Variants in KIAA0408 observed in about 807,000 individuals in gnomAD.
The protein encoded by KIAA0408 is KIAA0408.
KIAA0408 carries 51 observed loss-of-function variants against 60.9 expected under a neutral mutation model. The ratio of observed to expected loss-of-function variants is 0.84; its 90% CI spans 0.67 to 1.06. The LOEUF (loss-of-function observed/expected upper bound fraction) is 1.06, where lower values mean the gene tolerates loss of function less well. Ranked by LOEUF, KIAA0408 falls within the 50% of genes least tolerant of loss-of-function variation. The pLI is 0.00. For missense variants in KIAA0408, 787 were observed against 833.9 expected (o/e 0.94, Z 0.69); for synonymous variants, 304 against 282.4 (o/e 1.08, Z -0.77).
At chr6:127,457,728 G>C (rs781759251) in intron 1 of KIAA0408, among the ~76,000 whole-genome samples, 2 of 152,196 alleles carry the variant, frequency 1.3e-5, no homozygotes, top group Non-Finnish European at 2.9e-5. Flanking sequence ...AAGTTTAAGA[G>C]TAACACACAA....
intron 4 of KIAA0408, among the ~76,000 whole-genome samples, chr6:127,448,046 G>C (rs1773235621): frequency 6.6e-6 from 1 of 151,980 alleles, no homozygotes; most frequent in Non-Finnish European, 1.5e-5. Context: ...TAGTCTCCTG[G>C]GTTTCTGCTA....
At chr6:127,448,869 A>G (rs1773249065) in intron 4 of KIAA0408, among the ~76,000 whole-genome samples, 1 of 152,218 alleles carries the variant, frequency 6.6e-6, no homozygotes, top group African/African-American at 2.4e-5. Context: ...TGTTGATCCT[A>G]GAATAATCCA....
In KIAA0408 at chr6:127,447,543, A is replaced by T; in HGVS notation, c.776T>A (p.Leu259Ter). 6.2e-7 allele frequency: 1 copy of T among 1,610,904 alleles called. No individual in the cohort carries two copies. Among genetic ancestry groups the T allele is most frequent in the East Asian group, 2.2e-5 (1 of 44,850 alleles). The stretch of plus-strand genomic sequence containing the variant: ...AACTGGTGGAGTTTCATTTCTTTTT[A>T]AATCGATTGTATCAATTCCACATTT... Reference protein sequence around the residue: ...TKKCGIDTIDLKRNETPPVPP... With the variant: ...TKKCGIDTID Residue 259 changes from leucine (L) to a stop codon, truncating the protein, a stop_gained, in exon 5 of 6, where the codon TTA (leucine) becomes TAA (stop). Coordinates refer to ENST00000483725, the MANE Select transcript of KIAA0408 (RefSeq NM_014702.5). LOFTEE classifies it high-confidence loss of function.
At position 127,446,514 on chromosome 6, in the gene KIAA0408, C is replaced by T. The variant is rs373762355; in HGVS notation, c.1805G>A (p.Ser602Asn). Residue 602 changes from serine to asparagine, a missense_variant, in exon 5 of 6, where the codon AGT (serine) becomes AAT (asparagine). Physicochemically the swap from Ser to Asn is conservative, Grantham distance 46. This residue lies in a region of KIAA0408 where 133 missense variants were observed against 119.2 expected (regional missense o/e 1.12). Coordinates refer to ENST00000483725, the MANE Select transcript of KIAA0408 (RefSeq NM_014702.5). The part of the protein sequence containing the change: ...NSDVSGGATL[S>N]QHLEMLQMEQ... ...CATTTGGAGCATTTCTAAATGCTGA[C>T]TTAATGTGGCACCACCACTGACATC... The T allele has an allele frequency of 1.5e-5, 25 of 1,614,042 alleles. No individual in the cohort carries two copies. The African/African-American group carries it at 2.5e-4, about 16-fold the overall frequency.
chr6:127,458,718 C>T (rs1352890705), intron 1 of KIAA0408, among the ~76,000 whole-genome samples: 1 of 152,134 alleles, frequency 6.6e-6, no homozygotes, highest in Non-Finnish European at 1.5e-5. Flanking sequence ...CCACCACCAC[C>T]TTAGATAAAA....
intron 2 of KIAA0408, among the ~76,000 whole-genome samples, chr6:127,451,873 C>T (rs1160508927): frequency 2.6e-5 from 4 of 152,008 alleles, no homozygotes; most frequent in African/African-American, 9.7e-5. Flanking sequence ...TACAAAGGTA[C>T]TATGTTACTT....
chr6:127,451,450 C>T, intron 2 of KIAA0408: 1 of 363,302 alleles, frequency 2.8e-6, no homozygotes, highest in South Asian at 2.2e-5. Context: ...TTGTACTGAA[C>T]TTCTGCGGGC....
intron 1 of KIAA0408, 94 bp from the exon 2 acceptor site, chr6:127,454,195 T>C (rs996877148): frequency 6.7e-6 from 8 of 1,189,078 alleles, no homozygotes; most frequent in Admixed American, 4.3e-5. Context: ...AAACAAACTA[T>C]AGGAAAATTG....
Position 127,446,563 on chromosome 6 carries a change from C to G in KIAA0408, c.1756G>C (p.Asp586His). 1 of 1,614,174 alleles carries G rather than the reference C, an allele frequency of 6.2e-7. No homozygotes were observed. The highest frequency in any genetic ancestry group is 8.5e-7 in the Non-Finnish European group (1 of 1,180,028). Residue 586 changes from aspartate to histidine, a missense_variant, in exon 5 of 6, where the codon GAT (aspartate) becomes CAT (histidine). Asp to His is a moderately conservative substitution (Grantham distance 81). Transcript: ENST00000483725. The stretch of plus-strand genomic sequence containing the variant: ...TCAGAATTACATTTGGTCCAATTAT[C>G]CTGGAAGCACTTAGAATTTTGCAAT... ...SALQNSKCFQ[D>H]NWTKCNSDVS...
At chr6:127,449,702 T>TA in intron 4 of KIAA0408, 120 bp downstream of exon 4, 3 of 1,311,160 alleles carry the variant, frequency 2.3e-6, no homozygotes, top group Non-Finnish European at 3.1e-6. Flanking sequence ...CCACCCTAGA[T>TA]AGTACATTTT....
At chr6:127,456,078 G>A (rs1375349045) in intron 1 of KIAA0408, among the ~76,000 whole-genome samples, 1 of 152,146 alleles carries the variant, frequency 6.6e-6, no homozygotes, top group Non-Finnish European at 1.5e-5. Context: ...AATTAACTGT[G>A]TGGTGAAACT....
At chr6:127,458,945 T>C (rs1032433642) in intron 1 of KIAA0408, among the ~76,000 whole-genome samples, 1 of 152,196 alleles carries the variant, frequency 6.6e-6, no homozygotes, top group Non-Finnish European at 1.5e-5. Flanking sequence ...CAGTCCACAG[T>C]TGGGAAATCC....
intron 2 of KIAA0408, 57 bp from the exon 3 acceptor site, chr6:127,450,409 T>C: frequency 6.6e-7 from 1 of 1,508,488 alleles, no homozygotes; most frequent in South Asian, 1.4e-5. Context: ...ACTTTGCTAA[T>C]ATTCTTGATA....
chr6:127,456,346 C>T (rs960971688), intron 1 of KIAA0408, among the ~76,000 whole-genome samples: 2 of 152,094 alleles, frequency 1.3e-5, no homozygotes, highest in African/African-American at 2.4e-5. Context: ...TCCTTCTATT[C>T]CTAACTCTTC....
rs140657174 is a variant in KIAA0408 at position 127,450,255 on chromosome 6, A to T, written c.233T>A (p.Ile78Lys). The change falls in exon 3 of 6, where the codon ATA (isoleucine) becomes AAA (lysine). Residue 78 changes from isoleucine to lysine, a missense_variant. Coordinates refer to ENST00000483725, the MANE Select transcript of KIAA0408 (RefSeq NM_014702.5). The stretch of plus-strand genomic sequence containing the variant: ...ATCGGGGTAATTTGGGGAAGATTCT[A>T]TCACTTTCTCTGGAATGGTCTTCTC... ...YHEKTIPEKV[I>K]ESSPNYPDLG... The T allele has an allele frequency of 1.9e-6, 3 of 1,613,938 alleles. No individual in the cohort carries two copies. The highest frequency in any genetic ancestry group is 2.2e-5 in the East Asian group (1 of 44,858).
intron 1 of KIAA0408, among the ~76,000 whole-genome samples, chr6:127,455,605 T>C (rs973186762): frequency 6.6e-6 from 1 of 152,114 alleles, no homozygotes; most frequent in Non-Finnish European, 1.5e-5. Flanking sequence ...AATTTTGGGA[T>C]CTATATTGTT....
chr6:127,453,718 A>G, intron 2 of KIAA0408, 129 bp downstream of exon 2: 1 of 1,217,426 alleles, frequency 8.2e-7, no homozygotes, highest in South Asian at 1.9e-5. Flanking sequence ...GTTCTAGTAA[A>G]TGTCACTGAG....
In KIAA0408 at chr6:127,441,066, T is replaced by C. The variant is rs1773101064; in HGVS notation, c.*3043A>G. 2.0e-5 allele frequency: 3 copies of C among 152,224 alleles called. No homozygotes were observed. Among genetic ancestry groups the C allele is most frequent in the Non-Finnish European group, 4.4e-5 (3 of 68,042 alleles). The allele number at this position is 152,224 out of a possible 1,614,324, so 9.4% of individuals were successfully genotyped here. On this transcript the variant is annotated 3_prime_UTR_variant, in exon 6 of 6. Transcript: ENST00000483725. The stretch of plus-strand genomic sequence containing the variant: ...GACAGTTGTTTTTACACCTACTTTA[T>C]TTGATAGCTTCTAATGGCTGAAGGA...
In KIAA0408 at chr6:127,451,884, G is replaced by T. The variant is rs562144899; in HGVS notation, c.136-1532C>A. On this transcript the variant is annotated intron_variant, in intron 2 of 5. Coordinates refer to ENST00000483725, the MANE Select transcript of KIAA0408 (RefSeq NM_014702.5). ...TTTGTACAAAGGTACTATGTTACTT[G>T]GTACTCAGCCCTTGTCAATGGTTAT... is the stretch of plus-strand genomic sequence containing the variant. Among the ~76,000 whole-genome samples, 8 of 152,124 alleles carry T rather than the reference G, an allele frequency of 5.3e-5. No homozygotes were observed. In the South Asian group the frequency reaches 1.7e-3, roughly 32 times the overall value.
Sources: allele counts gnomAD v4.1 joint callset (sites outside exome capture counted in the v4.1 genomes callset), GRCh38; gene constraint gnomAD v4.1.1; regional missense constraint gnomAD v4.1.1; transcripts MANE v1.5; gene names NCBI Gene and HGNC (gene_info 2026-07-23, HGNC 2026-07-21).